The following PLGLB2 variants were observed in gnomAD, a reference collection of about 807,000 sequenced individuals.
The protein encoded by PLGLB2 is plasminogen like B2.
chr2:87,751,410 A>G (rs1387484984), intron 1 of PLGLB2: 13 of 148,868 alleles, frequency 8.7e-5, no homozygotes, highest in Non-Finnish European at 1.4e-4. Flanking sequence ...GGAGCTTCTT[A>G]CCCTCCAGTG....
At chr2:87,750,512 C>T (rs867192709) in intron 1 of PLGLB2, among the ~76,000 whole-genome samples, 1,729 of 126,970 alleles carry the variant, frequency 0.014, 5 homozygotes, top group African/African-American at 0.043. Flanking sequence ...AAGTGCTTTT[C>T]AGTGGATTAG....
In PLGLB2 at chr2:87,759,321, AATT is replaced by A. The variant is rs1328364064; in HGVS notation, c.*2514_*2516del. ...TGAGCCACCATGCCCAGCAGACCTG[AATT>A]ATTATTATTAAAATGTTACATCAAC... On this transcript the variant is annotated 3_prime_UTR_variant, in exon 4 of 4. Transcript: ENST00000359481. Among the ~76,000 whole-genome samples the A allele has an allele frequency of 3.4e-4, 12 of 35,714 alleles. 1 individual carries two copies. Among genetic ancestry groups the A allele is most frequent in the Middle Eastern group, 0.014 (2 of 144 alleles). The allele number at this position is 35,714 out of a possible 152,430, so 23.4% of individuals were successfully genotyped here. A position where few individuals can be genotyped will look rare whatever the true frequency, so the allele number is the denominator to read the frequency against.
At chr2:87,749,031 C>G (rs1684601273) in intron 1 of PLGLB2, among the ~76,000 whole-genome samples, 1 of 136,970 alleles carries the variant, frequency 7.3e-6, no homozygotes, top group Admixed American at 7.2e-5. Context: ...CCAGGTTTCC[C>G]AGAAGGAATC....
intron 2 of PLGLB2, 68 bp from the exon 3 acceptor site, chr2:87,753,456 CATTT>C (rs2104200687): frequency 2.5e-6 from 1 of 402,948 alleles, no homozygotes; most frequent in African/African-American, 2.3e-5. Context: ...TAGCATTTCT[CATTT>C]ATTAATAAAC....
At chr2:87,749,231 CA>C (rs1684607803) in intron 1 of PLGLB2, among the ~76,000 whole-genome samples, 1 of 143,920 alleles carries the variant, frequency 6.9e-6, no homozygotes, top group African/African-American at 2.5e-5. Context: ...CAGCCACCAT[CA>C]GAATAAATTT....
chr2:87,751,332 ATTTCTC>A (rs1684641740), intron 1 of PLGLB2: 1 of 142,390 alleles, frequency 7.0e-6, no homozygotes, highest in African/African-American at 2.5e-5. Flanking sequence ...GGAAAAACTG[ATTTCTC>A]CCCAGTTAGT....
intron 3 of PLGLB2, among the ~76,000 whole-genome samples, chr2:87,755,418 ACCT>A (rs1348286347): frequency 9.1e-6 from 1 of 110,228 alleles, no homozygotes; most frequent in African/African-American, 4.8e-5. Flanking sequence ...TGACCCCTAG[ACCT>A]CCCTTTCACA....
intron 3 of PLGLB2, among the ~76,000 whole-genome samples, chr2:87,754,756 C>CA (rs1208538061): frequency 1.3e-5 from 2 of 148,400 alleles, no homozygotes; most frequent in African/African-American, 4.9e-5. Context: ...AAAAAAAAAA[C>CA]AAAAAACCCT....
chr2:87,750,860 CT>C (rs1205180660), intron 1 of PLGLB2, among the ~76,000 whole-genome samples: 2 of 136,508 alleles, frequency 1.5e-5, no homozygotes, highest in African/African-American at 5.3e-5. Context: ...CCAGGCTTGT[CT>C]CCCGCTGCCG....
rs967542734 is a variant in PLGLB2 at position 87,749,130 on chromosome 2, TA to T, written c.49+936del. Among the ~76,000 whole-genome samples, 7 of 150,280 alleles carry T rather than the reference TA, an allele frequency of 4.7e-5. No individual in the cohort carries two copies. The South Asian group carries it at 6.4e-4, about 14-fold the overall frequency. ...GTAGTTCTTTTTCTTTTTCTTTTTT[TA>T]AAAAAAAGCTTTATGGAGATATAAT... On this transcript the variant is annotated intron_variant, in intron 1 of 3. Coordinates refer to ENST00000359481, the MANE Select transcript of PLGLB2 (RefSeq NM_002665.4).
intron 2 of PLGLB2, among the ~76,000 whole-genome samples, chr2:87,752,708 A>G (rs1684650511): frequency 3.7e-5 from 1 of 26,774 alleles, no homozygotes; most frequent in Non-Finnish European, 5.3e-5. Context: ...TCCTAGATAG[A>G]TCTGAGCAAT....
intron 1 of PLGLB2, among the ~76,000 whole-genome samples, chr2:87,750,376 C>G (rs1244810814): frequency 6.6e-6 from 1 of 151,496 alleles, no homozygotes; most frequent in African/African-American, 2.4e-5. Context: ...ACACTGCGAG[C>G]TATAGAATTA....
chr2:87,754,675 AAAGTT>A (rs1684683702), intron 3 of PLGLB2, among the ~76,000 whole-genome samples: 1 of 142,802 alleles, frequency 7.0e-6, no homozygotes, highest in South Asian at 2.3e-4. Flanking sequence ...TTTATCTGGT[AAAGTT>A]ATTAGTTCTT....
At chr2:87,750,219 T>G (rs1469807429) in intron 1 of PLGLB2, among the ~76,000 whole-genome samples, 3 of 152,246 alleles carry the variant, frequency 2.0e-5, no homozygotes, top group Admixed American at 6.5e-5. Context: ...CACAGAGAAC[T>G]TAATTGAAGG....
chr2:87,750,604 C>T (rs1382915459), intron 1 of PLGLB2, among the ~76,000 whole-genome samples: 2 of 149,136 alleles, frequency 1.3e-5, no homozygotes, highest in East Asian at 4.1e-4. Flanking sequence ...GGACGAAGTC[C>T]CAGAGGTGGG....
intron 1 of PLGLB2, chr2:87,751,436 G>T (rs1245333200): frequency 6.7e-6 from 1 of 149,906 alleles, no homozygotes; most frequent in Admixed American, 6.7e-5. Context: ...CCCAATTTTT[G>T]TCCAAGTTGG....
chr2:87,750,878 C>T (rs2104197531), intron 1 of PLGLB2, among the ~76,000 whole-genome samples: 1 of 134,258 alleles, frequency 7.4e-6, no homozygotes, highest in African/African-American at 2.7e-5. Flanking sequence ...GCCGCCTCCA[C>T]TGCTCTCCTC....
intron 3 of PLGLB2, among the ~76,000 whole-genome samples, chr2:87,755,470 CTACTG>C (rs1684701185): frequency 7.5e-6 from 1 of 132,520 alleles, no homozygotes; most frequent in Admixed American, 7.1e-5. Flanking sequence ...TGTCTTATGT[CTACTG>C]TAATACTATG....
At chr2:87,750,230 G>A (rs1684624075) in intron 1 of PLGLB2, among the ~76,000 whole-genome samples, 1 of 152,188 alleles carries the variant, frequency 6.6e-6, no homozygotes, top group South Asian at 2.1e-4. Context: ...TAATTGAAGG[G>A]GGAAATAAAT....
Sources: allele counts gnomAD v4.1 joint callset (sites outside exome capture counted in the v4.1 genomes callset), GRCh38; gene constraint gnomAD v4.1.1; transcripts MANE v1.5; gene names NCBI Gene and HGNC (gene_info 2026-07-23, HGNC 2026-07-21).